Variants in PDE1A observed in about 807,000 individuals in gnomAD.
PDE1A encodes the protein dual specificity calcium/calmodulin-dependent 3',5'-cyclic nucleotide phosphodiesterase 1A.
Under a neutral mutation model 61.7 loss-of-function variants are expected in PDE1A, and 35 were observed. The observed-to-expected ratio is 0.57, with a 90% CI of 0.43 to 0.75. PDE1A has a LOEUF of 0.75. Among genes scored for constraint, PDE1A ranks in the 30% least tolerant of loss-of-function variants. The pLI is 0.00. For synonymous variants in PDE1A, 232 were observed against 213.2 expected, an observed-to-expected ratio of 1.09 and a Z score of -0.77; for missense variants, 597 against 630.6, an observed-to-expected ratio of 0.95 and a Z score of 0.57.
chr2:182,390,509 G>A (rs1322919961), intron 1 of PDE1A, among the ~76,000 whole-genome samples: 4 of 152,144 alleles, frequency 2.6e-5, no homozygotes, highest in South Asian at 4.1e-4. Context: ...ATAAAGTGAC[G>A]AAAGAAAACA....
chr2:182,587,621 C>T, the PDE1A span, among the ~76,000 whole-genome samples: 3 of 152,116 alleles, frequency 2.0e-5, no homozygotes, highest in African/African-American at 7.2e-5. Flanking sequence ...AAGTTAATTG[C>T]CATTTACAGA....
exon 2 of PDE1A, chr2:182,522,313 C>T (rs1690619587): frequency 6.2e-7 from 1 of 1,613,632 alleles, no homozygotes. Context: ...TCAGTCTGTT[C>T]TCCTGTAAGA....
At chr2:182,368,398 C>A (rs1699952810) in intron 1 of PDE1A, among the ~76,000 whole-genome samples, 1 of 134,628 alleles carries the variant, frequency 7.4e-6, no homozygotes, top group African/African-American at 2.7e-5. Context: ...TCCTTCAATA[C>A]ATAACATTTT....
At chr2:182,311,117 C>T (rs1695940357) in intron 1 of PDE1A, among the ~76,000 whole-genome samples, 1 of 152,194 alleles carries the variant, frequency 6.6e-6, no homozygotes, top group African/African-American at 2.4e-5. Context: ...AGAAATATAA[C>T]ATTCCTCTGT....
the PDE1A span, among the ~76,000 whole-genome samples, chr2:182,710,463 C>A: frequency 6.6e-6 from 1 of 152,136 alleles, no homozygotes; most frequent in South Asian, 2.1e-4. Flanking sequence ...AGAACATATT[C>A]ATCTTACAAC....
upstream of PDE1A, among the ~76,000 whole-genome samples, chr2:182,429,728 T>C (rs577446205): frequency 6.6e-6 from 1 of 152,060 alleles, no homozygotes; most frequent in South Asian, 2.1e-4. Context: ...ACCCTAAGAG[T>C]GTCATGGTAT....
chr2:182,626,814 C>CAT, the PDE1A span, among the ~76,000 whole-genome samples: 17 of 17,896 alleles, frequency 9.5e-4, 1 homozygote, highest in East Asian at 1.7e-3. Flanking sequence ...TATATATATA[C>CAT]ATATATATAT....
intron 1 of PDE1A, among the ~76,000 whole-genome samples, chr2:182,273,515 T>C (rs904826238): frequency 6.6e-6 from 1 of 151,886 alleles, no homozygotes; most frequent in Non-Finnish European, 1.5e-5. Context: ...CATGCTTATC[T>C]ACTGAACTAA....
At chr2:182,199,330 TA>T (rs1392626595) in intron 10 of PDE1A, among the ~76,000 whole-genome samples, 1 of 152,008 alleles carries the variant, frequency 6.6e-6, no homozygotes, top group Non-Finnish European at 1.5e-5. Flanking sequence ...CTTTTATATT[TA>T]TTATATCCTT....
intron 7 of PDE1A, among the ~76,000 whole-genome samples, chr2:182,212,924 G>A (rs1205200822): frequency 6.6e-6 from 1 of 151,704 alleles, no homozygotes; most frequent in African/African-American, 2.4e-5. Flanking sequence ...CACAGCTCAA[G>A]GAGGCCTGCC....
chr2:182,687,048 G>C, the PDE1A span, among the ~76,000 whole-genome samples: 2 of 152,232 alleles, frequency 1.3e-5, no homozygotes, highest in Non-Finnish European at 2.9e-5. Flanking sequence ...GCTTGAACTA[G>C]GTGGAGCCCA....
At chr2:182,277,151 A>C (rs1693478395) in intron 1 of PDE1A, among the ~76,000 whole-genome samples, 1 of 151,820 alleles carries the variant, frequency 6.6e-6, no homozygotes, top group Non-Finnish European at 1.5e-5. Flanking sequence ...TTGCCCTTTG[A>C]AGCATGTGAT....
the PDE1A span, among the ~76,000 whole-genome samples, chr2:182,575,773 TA>T: frequency 6.8e-6 from 1 of 146,398 alleles, no homozygotes; most frequent in Non-Finnish European, 1.5e-5. Flanking sequence ...ATATATTATA[TA>T]TTATAATTAT....
the PDE1A span, among the ~76,000 whole-genome samples, chr2:182,670,686 T>G: frequency 6.6e-6 from 1 of 152,236 alleles, no homozygotes; most frequent in East Asian, 1.9e-4. Flanking sequence ...TGGTGACCAG[T>G]ATTTGGGAAA....
chr2:182,658,068 A>AC, the PDE1A span, among the ~76,000 whole-genome samples: 6 of 109,784 alleles, frequency 5.5e-5, no homozygotes, highest in East Asian at 5.4e-4. Context: ...AAAAAAAAAA[A>AC]AAAACAAAAA....
chr2:182,656,962 T>C, the PDE1A span, among the ~76,000 whole-genome samples: 21 of 152,284 alleles, frequency 1.4e-4, no homozygotes, highest in Admixed American at 5.2e-4. Context: ...CGGTGGCTCA[T>C]GCCTGTAATC....
At chr2:182,532,945 CA>C in the PDE1A span, among the ~76,000 whole-genome samples, 339 of 21,076 alleles carry the variant, frequency 0.016, no homozygotes, top group African/African-American at 0.02. Flanking sequence ...GACTCCGTCT[CA>C]AAAAAAAAAA....
intron 1 of PDE1A, among the ~76,000 whole-genome samples, chr2:182,403,699 C>G (rs533723471): frequency 5.6e-4 from 85 of 152,030 alleles, no homozygotes; most frequent in African/African-American, 2.0e-3. Context: ...ATGGGTGAAC[C>G]TGGAAACCCT....
chr2:182,527,329 TATATATATATA>T (rs1690792045), upstream of PDE1A, among the ~76,000 whole-genome samples: 2 of 7,448 alleles, frequency 2.7e-4, no homozygotes, highest in African/African-American at 9.4e-4. Flanking sequence ...AAAAAAAAAA[TATATATATATA>T]TATATATATA....
Sources: allele counts gnomAD v4.1 joint callset (sites outside exome capture counted in the v4.1 genomes callset), GRCh38; gene constraint gnomAD v4.1.1; transcripts MANE v1.5; gene names NCBI Gene and HGNC (gene_info 2026-07-23, HGNC 2026-07-21).